The following DBF4 variants were observed in gnomAD, a reference collection of about 807,000 sequenced individuals.
DBF4 encodes protein DBF4 homolog A.
A neutral mutation model predicts 76.6 loss-of-function variants in DBF4; 25 were observed. The observed-to-expected ratio is 0.33, with a 90% CI of 0.24 to 0.46. DBF4 has a LOEUF of 0.46. Among genes scored for constraint, DBF4 ranks in the 20% least tolerant of loss-of-function variants. DBF4 has a pLI of 1.00. For synonymous variants in DBF4, 213 were observed against 258.0 expected, an observed-to-expected ratio of 0.83 and a Z score of 1.67; for missense variants, 638 against 760.8, an observed-to-expected ratio of 0.84 and a Z score of 1.90.
At chr7:87,882,528 C>G (rs117436259) in intron 2 of DBF4, among the ~76,000 whole-genome samples, 1 of 152,080 alleles carries the variant, frequency 6.6e-6, no homozygotes, top group Non-Finnish European at 1.5e-5. Context: ...AGTGAAAGAA[C>G]GCACAGAATT....
chr7:87,876,854 C>G, intron 1 of DBF4, 76 bp downstream of exon 1: 1 of 1,514,532 alleles, frequency 6.6e-7, no homozygotes, highest in Non-Finnish European at 9.1e-7. Context: ...ATTCTTCAGA[C>G]TTCTCCCGCC....
At chr7:87,889,727 TTAAA>T (rs1839439988) in intron 6 of DBF4, among the ~76,000 whole-genome samples, 2 of 152,214 alleles carry the variant, frequency 1.3e-5, no homozygotes, top group Admixed American at 6.5e-5. Context: ...AAAGTAGTAT[TTAAA>T]TAAAACTATC....
rs1562754619 is a variant in DBF4 at position 87,876,793 on chromosome 7, C to A, written c.46+15C>A. ...ACATTTCCAGGGTAAGAAGCCCCTC[C>A]TCCGCCTGCAGTCCCTTTAATCCTT... On this transcript the variant is annotated intron_variant, in intron 1 of 11. Transcript: ENST00000265728. 6.2e-7 allele frequency: 1 copy of A among 1,613,988 alleles called. No homozygotes were observed. Among genetic ancestry groups the A allele is most frequent in the Admixed American group, 1.7e-5 (1 of 60,022 alleles).
At chr7:87,885,188 A>C in intron 3 of DBF4, 30 bp downstream of exon 3, 1 of 1,551,386 alleles carries the variant, frequency 6.4e-7, no homozygotes, top group Non-Finnish European at 8.8e-7. Flanking sequence ...TTTGAGACTC[A>C]GAAGGGCTAT....
chr7:87,888,822 C>G (rs939648986), intron 6 of DBF4, among the ~76,000 whole-genome samples: 2 of 152,186 alleles, frequency 1.3e-5, no homozygotes, highest in Non-Finnish European at 2.9e-5. Context: ...TTGTCCATTT[C>G]TTCCTTAAAC....
chr7:87,897,632 T>G (rs1261210535), intron 8 of DBF4, among the ~76,000 whole-genome samples: 1 of 152,196 alleles, frequency 6.6e-6, no homozygotes, highest in African/African-American at 2.4e-5. Flanking sequence ...ACCAAATGAT[T>G]TAGAACTACT....
chr7:87,893,371 G>A (rs1008808007), intron 6 of DBF4, among the ~76,000 whole-genome samples: 6 of 149,386 alleles, frequency 4.0e-5, no homozygotes, highest in South Asian at 2.1e-4. Flanking sequence ...TCAGCCTCCC[G>A]AGTAGCTGGG....
At chr7:87,890,503 A>G (rs2131055411) in intron 6 of DBF4, among the ~76,000 whole-genome samples, 1 of 152,340 alleles carries the variant, frequency 6.6e-6, no homozygotes, top group South Asian at 2.1e-4. Context: ...ACTGCAGTCC[A>G]GCCTGGGTGA....
rs1022418048 is a variant in DBF4, at chr7:87,876,852, G to T, written c.46+74G>T. ...TCGTGGTTCCACCATTGATTCTTCA[G>T]ACTTCTCCCGCCGGGTCCTCAGCTT... is the stretch of plus-strand genomic sequence containing the variant. On this transcript the variant is annotated intron_variant, in intron 1 of 11. Transcript: ENST00000265728. 6.2e-5 allele frequency: 94 copies of T among 1,526,886 alleles called. No individual in the cohort carries two copies. In the African/African-American group the frequency reaches 1.1e-3, roughly 19 times the overall value. The allele number at this position is 1,526,886 out of a possible 1,614,324, so 94.6% of individuals were successfully genotyped here.
Position 87,904,358 on chromosome 7 carries a change from G to T in DBF4, c.991G>T (p.Val331Leu), listed in dbSNP as rs372484639. 1 of 1,613,792 alleles carries T rather than the reference G, an allele frequency of 6.2e-7. No homozygotes were observed. Among genetic ancestry groups the T allele is most frequent in the Non-Finnish European group, 8.5e-7 (1 of 1,179,818 alleles). ...CCAGTATCAAGTTGTTGATGATATT[G>T]TATCTAAGTTAGTTTTTGACTTTGT... is the stretch of plus-strand genomic sequence containing the variant. ...SNQYQVVDDI[V>L]SKLVFDFVEY... Residue 331 changes from valine (V) to leucine (L), a missense_variant, in exon 11 of 12, where the codon GTA becomes TTA. Physicochemically the swap from Val to Leu is conservative, Grantham distance 32. Transcript: ENST00000265728.
chr7:87,899,327 A>G (rs1055456212), intron 8 of DBF4, among the ~76,000 whole-genome samples: 11 of 152,236 alleles, frequency 7.2e-5, no homozygotes, highest in Non-Finnish European at 1.3e-4. Flanking sequence ...TCATGTATCT[A>G]TTTCTTTTTT....
intron 6 of DBF4, among the ~76,000 whole-genome samples, chr7:87,888,809 C>T (rs1839422155): frequency 6.6e-6 from 1 of 152,200 alleles, no homozygotes; most frequent in South Asian, 2.1e-4. Flanking sequence ...GTTCTCTCAG[C>T]TGTTGTCCAT....
intron 2 of DBF4, among the ~76,000 whole-genome samples, chr7:87,883,049 T>C (rs1006715542): frequency 2.0e-5 from 3 of 151,998 alleles, no homozygotes; most frequent in Non-Finnish European, 4.4e-5. Context: ...AACAAGTAAA[T>C]AGATAAAGAA....
At chr7:87,883,025 C>T (rs535086590) in intron 2 of DBF4, among the ~76,000 whole-genome samples, 1 of 152,212 alleles carries the variant, frequency 6.6e-6, no homozygotes, top group African/African-American at 2.4e-5. Context: ...AAAGTGTGAA[C>T]AGCCTTAATG....
At chr7:87,898,063 C>CCA (rs1226341186) in intron 8 of DBF4, among the ~76,000 whole-genome samples, 4 of 152,212 alleles carry the variant, frequency 2.6e-5, no homozygotes, top group Admixed American at 6.5e-5. Context: ...CAGGCGTGAG[C>CCA]CACTGTGCCC....
chr7:87,887,834 T>A, intron 5 of DBF4, 149 bp from the exon 6 acceptor site: 1 of 746,826 alleles, frequency 1.3e-6, no homozygotes, highest in Non-Finnish European at 2.0e-6. Flanking sequence ...AATTTCAACA[T>A]GAGTTTTAGA....
chr7:87,884,159 T>G (rs1183371397), intron 2 of DBF4, among the ~76,000 whole-genome samples: 2 of 152,206 alleles, frequency 1.3e-5, no homozygotes, highest in Non-Finnish European at 2.9e-5. Flanking sequence ...TGATTTAGAC[T>G]TGTATTGTCT....
intron 6 of DBF4, among the ~76,000 whole-genome samples, chr7:87,895,060 G>C (rs1174695127): frequency 3.5e-4 from 53 of 151,210 alleles, no homozygotes; most frequent in Non-Finnish European, 6.8e-4. Flanking sequence ...TTTTTCCTTA[G>C]TCTTTTTTGT....
chr7:87,897,233 A>AT (rs771775754), intron 7 of DBF4, 61 bp from the exon 8 acceptor site: 97 of 1,338,096 alleles, frequency 7.2e-5, no homozygotes, highest in Admixed American at 2.0e-4. Flanking sequence ...CAGTAGTTTT[A>AT]TTAAAAAAAA....
Sources: gnomAD v4.1 joint callset for allele counts (sites outside exome capture counted in the v4.1 genomes callset) on GRCh38, gnomAD v4.1.1 for gene constraint, MANE v1.5 for transcripts, NCBI Gene and HGNC (gene_info 2026-07-23, HGNC 2026-07-21) for gene names.